Variants in NDUFS4 observed in about 807,000 individuals in gnomAD.
NDUFS4 encodes NADH dehydrogenase [ubiquinone] iron-sulfur protein 4, mitochondrial.
In NDUFS4, 28 loss-of-function variants were observed where a neutral mutation model predicts 24.3. The observed-to-expected ratio is 1.15, with a 90% CI of 0.85 to 1.58. The LOEUF is 1.58. Among genes scored for constraint, NDUFS4 ranks in the 40% most tolerant of loss-of-function variants. The pLI is 0.00. For synonymous variants in NDUFS4, 93 were observed against 69.7 expected (o/e 1.34, Z -1.67); for missense variants, 223 against 207.9 (o/e 1.07, Z -0.45).
intron 2 of NDUFS4, among the ~76,000 whole-genome samples, chr5:53,628,092 G>A (rs1002687030): frequency 6.6e-6 from 1 of 152,098 alleles, no homozygotes; most frequent in Non-Finnish European, 1.5e-5. Flanking sequence ...TAGCATGAAG[G>A]GCTGTTGAAT....
Position 53,681,660 on chromosome 5 carries a change from T to G in NDUFS4, c.425-1458T>G, listed in dbSNP as rs75473265. Among the ~76,000 whole-genome samples the G allele has an allele frequency of 2.6e-3, 395 of 152,260 alleles. 4 individuals are homozygous for G. Among genetic ancestry groups the G allele is most frequent in the Non-Finnish European group, 4.4e-3 (298 of 68,008 alleles). ...GTAAGGTTATGTTGAACAAGTAAAT[T>G]AATATTTTCTCTCCTGGATTCTGAT... is the stretch of plus-strand genomic sequence containing the variant. On this transcript the variant is annotated intron_variant, in intron 4 of 4. Coordinates refer to ENST00000296684, the MANE Select transcript of NDUFS4 (RefSeq NM_002495.4).
At chr5:53,675,188 G>GTCTCACTCTGTC (rs759697037) in intron 4 of NDUFS4, among the ~76,000 whole-genome samples, 1 of 129,744 alleles carries the variant, frequency 7.7e-6, no homozygotes, top group Non-Finnish European at 1.6e-5. Context: ...TTGAGGCGGA[G>GTCTCACTCTGTC]TCTCACTCTG....
intron 1 of NDUFS4, among the ~76,000 whole-genome samples, chr5:53,587,766 A>G (rs1181990620): frequency 6.6e-6 from 1 of 152,032 alleles, no homozygotes; most frequent in Non-Finnish European, 1.5e-5. Context: ...TTTGGTAGAG[A>G]CGGGATTTCA....
chr5:53,647,033 C>T, intron 3 of NDUFS4, among the ~76,000 whole-genome samples: 1 of 151,438 alleles, frequency 6.6e-6, no homozygotes, highest in Non-Finnish European at 1.5e-5. Flanking sequence ...TATAGTGACA[C>T]TTTAACTTGT....
Position 53,589,208 on chromosome 5 carries a change from T to C in NDUFS4, c.99-14244T>C, listed in dbSNP as rs548770908. On this transcript the variant is annotated intron_variant, in intron 1 of 4. Coordinates refer to ENST00000296684, the MANE Select transcript of NDUFS4 (RefSeq NM_002495.4). ...CTGTAACACTCCCAACCTCAGTCAA[T>C]GTAAAACAGACATCATACAATTTAA... is the stretch of plus-strand genomic sequence containing the variant. 2.0e-5 allele frequency among the ~76,000 whole-genome samples: 3 copies of C among 152,336 alleles called. No homozygotes were observed. In the East Asian group the frequency reaches 5.8e-4, roughly 29 times the overall value.
rs200062817 is a variant in NDUFS4, at chr5:53,683,234, T to G, written c.*13T>G. The stretch of plus-strand genomic sequence containing the variant: ...ATCCACAAAATAGGTTGGCACTGAC[T>G]ATATCTCTGCTTGACTGTGAATAAA... On this transcript the variant is annotated 3_prime_UTR_variant, in exon 5 of 5. Coordinates refer to ENST00000296684, the MANE Select transcript of NDUFS4 (RefSeq NM_002495.4). 6.5e-7 allele frequency: 1 copy of G among 1,536,970 alleles called. No individual in the cohort carries two copies. The highest frequency in any genetic ancestry group is 2.3e-5 in the East Asian group (1 of 44,408).
At chr5:53,606,431 G>A (rs1325413699) in intron 2 of NDUFS4, among the ~76,000 whole-genome samples, 1 of 151,894 alleles carries the variant, frequency 6.6e-6, no homozygotes, top group African/African-American at 2.4e-5. Flanking sequence ...GCAGCGGCGC[G>A]ATCTCGGCTC....
intron 1 of NDUFS4, among the ~76,000 whole-genome samples, chr5:53,586,766 G>A (rs938181525): frequency 2.2e-4 from 33 of 151,810 alleles, no homozygotes; most frequent in Admixed American, 9.8e-4. Flanking sequence ...CTTGTGATCC[G>A]CCTGCCTTGG....
At chr5:53,642,028 A>G (rs1751719014) in intron 2 of NDUFS4, among the ~76,000 whole-genome samples, 1 of 152,132 alleles carries the variant, frequency 6.6e-6, no homozygotes, top group African/African-American at 2.4e-5. Context: ...TTACTAGGAA[A>G]AGCATGATAA....
chr5:53,661,595 A>C (rs1274642273), intron 4 of NDUFS4, among the ~76,000 whole-genome samples: 4 of 152,234 alleles, frequency 2.6e-5, no homozygotes, highest in African/African-American at 9.6e-5. Context: ...CTTGGGCAGT[A>C]TGGCCATTTT....
chr5:53,632,656 T>A lies in NDUFS4; in HGVS notation c.178-13577T>A, dbSNP rs375049725. ...TACCATAGTCTGATATGTGCCCCCA[T>A]GCATGAAGCTGAGACAATTATAGGA... On this transcript the variant is annotated intron_variant, in intron 2 of 4. Coordinates refer to ENST00000296684, the MANE Select transcript of NDUFS4 (RefSeq NM_002495.4). Among the ~76,000 whole-genome samples, 14 of 152,282 alleles carry A rather than the reference T, an allele frequency of 9.2e-5. No homozygotes were observed. In the East Asian group the frequency reaches 2.7e-3, roughly 29 times the overall value.
At chr5:53,629,597 CTCT>C (rs1339186027) in intron 2 of NDUFS4, among the ~76,000 whole-genome samples, 1 of 152,154 alleles carries the variant, frequency 6.6e-6, no homozygotes, top group African/African-American at 2.4e-5. Flanking sequence ...GGATAGTTAG[CTCT>C]TCTTGTTGAA....
chr5:53,663,186 C>G (rs970556236), intron 4 of NDUFS4, among the ~76,000 whole-genome samples: 3 of 151,914 alleles, frequency 2.0e-5, no homozygotes. Flanking sequence ...GTCTTAGAGA[C>G]AGTTTGTTAT....
At chr5:53,653,394 T>C (rs1243021453) in intron 3 of NDUFS4, among the ~76,000 whole-genome samples, 1 of 152,194 alleles carries the variant, frequency 6.6e-6, no homozygotes, top group African/African-American at 2.4e-5. Flanking sequence ...GCATTGCCTG[T>C]ATCATCTTTC....
intron 2 of NDUFS4, among the ~76,000 whole-genome samples, chr5:53,642,877 C>A (rs1214346575): frequency 6.6e-6 from 1 of 152,084 alleles, no homozygotes; most frequent in African/African-American, 2.4e-5. Context: ...GGAATTATGA[C>A]ATGCATCTTT....
At chr5:53,610,614 C>T (rs432020) in intron 2 of NDUFS4, among the ~76,000 whole-genome samples, 34,203 of 151,980 alleles carry the variant, frequency 0.23, 4,683 homozygotes, top group East Asian at 0.46. Flanking sequence ...ATGAGGTATG[C>T]CTGTATCTTT....
chr5:53,616,277 C>T (rs1051440224), intron 2 of NDUFS4, among the ~76,000 whole-genome samples: 1 of 151,748 alleles, frequency 6.6e-6, no homozygotes, highest in African/African-American at 2.4e-5. Flanking sequence ...AGCACAACAA[C>T]CATGTCCTTA....
intron 2 of NDUFS4, among the ~76,000 whole-genome samples, chr5:53,618,813 T>TA (rs1369162509): frequency 6.6e-6 from 1 of 152,080 alleles, no homozygotes; most frequent in African/African-American, 2.4e-5. Flanking sequence ...CCTGTGTAAT[T>TA]AAAAAATTAC....
intron 1 of NDUFS4, among the ~76,000 whole-genome samples, chr5:53,564,637 C>A (rs1462984697): frequency 6.6e-6 from 1 of 152,096 alleles, no homozygotes; most frequent in Non-Finnish European, 1.5e-5. Flanking sequence ...CCTCTGGGCT[C>A]AGGTGATCCT....
Sources: gnomAD v4.1 joint callset for allele counts (sites outside exome capture counted in the v4.1 genomes callset) on GRCh38, gnomAD v4.1.1 for gene constraint, MANE v1.5 for transcripts, NCBI Gene and HGNC (gene_info 2026-07-23, HGNC 2026-07-21) for gene names.